The following CCDC178 variants were observed in gnomAD, a reference collection of about 807,000 sequenced individuals.
CCDC178 encodes coiled-coil domain containing 178.
CCDC178 carries 126 observed loss-of-function variants against 117.4 expected under a neutral mutation model. The ratio of observed to expected loss-of-function variants is 1.07; its 90% CI spans 0.93 to 1.24. The LOEUF is 1.24. Ranked by LOEUF, CCDC178 falls within the 50% of genes most tolerant of loss-of-function variation. The pLI, the probability that CCDC178 is intolerant of heterozygous loss-of-function variation, is 0.00. For synonymous variants in CCDC178, 283 were observed against 313.4 expected (o/e 0.90, Z 1.02); for missense variants, 1,030 against 986.9 (o/e 1.04, Z -0.59).
At chr18:33,234,725 G>A (rs1455305685) in intron 15 of CCDC178, among the ~76,000 whole-genome samples, 1 of 151,976 alleles carries the variant, frequency 6.6e-6, no homozygotes, top group Non-Finnish European at 1.5e-5. Flanking sequence ...GTCAATCTTA[G>A]CCATTACTTT....
chr18:32,978,758 C>T (rs749015686), intron 21 of CCDC178, among the ~76,000 whole-genome samples: 2 of 152,116 alleles, frequency 1.3e-5, no homozygotes, highest in Non-Finnish European at 2.9e-5. Context: ...GAGAAAAGGC[C>T]GGGCACGGTG....
chr18:33,045,054 T>C (rs1020753361), intron 21 of CCDC178, among the ~76,000 whole-genome samples: 135 of 152,238 alleles, frequency 8.9e-4, no homozygotes, highest in African/African-American at 3.2e-3. Flanking sequence ...CTATTGAGTA[T>C]AATGTTCACT....
chr18:33,016,153 C>T (rs1030719920), intron 21 of CCDC178, among the ~76,000 whole-genome samples: 1 of 151,884 alleles, frequency 6.6e-6, no homozygotes, highest in Non-Finnish European at 1.5e-5. Context: ...AATCATGTAC[C>T]AGAGATTCTC....
intron 20 of CCDC178, among the ~76,000 whole-genome samples, chr18:33,098,005 T>A (rs1019217815): frequency 3.3e-5 from 5 of 152,090 alleles, no homozygotes; most frequent in African/African-American, 1.2e-4. Context: ...TGTAGAACTG[T>A]GGACTATGGT....
At chr18:33,430,794 C>T (rs1374013042) in intron 2 of CCDC178, among the ~76,000 whole-genome samples, 2 of 152,022 alleles carry the variant, frequency 1.3e-5, no homozygotes, top group Admixed American at 6.6e-5. Context: ...AATATTAGGC[C>T]GGGCGCGGTG....
chr18:32,939,807 C>T (rs1407192017), intron 22 of CCDC178, among the ~76,000 whole-genome samples: 2 of 152,060 alleles, frequency 1.3e-5, no homozygotes, highest in Non-Finnish European at 2.9e-5. Context: ...AGTAATCAAA[C>T]GTTATCTCTT....
At chr18:32,980,972 T>C (rs183437499) in intron 21 of CCDC178, among the ~76,000 whole-genome samples, 8 of 152,264 alleles carry the variant, frequency 5.3e-5, no homozygotes, top group Non-Finnish European at 7.4e-5. Context: ...TAGTAAAAAT[T>C]TGGAAACAAT....
intron 11 of CCDC178, among the ~76,000 whole-genome samples, chr18:33,313,230 A>G (rs113655953): frequency 6.6e-6 from 1 of 152,232 alleles, no homozygotes; most frequent in Non-Finnish European, 1.5e-5. Context: ...GTTAATAAAC[A>G]GGTAAAAAAA....
intron 21 of CCDC178, among the ~76,000 whole-genome samples, chr18:33,028,700 T>G (rs190386881): frequency 6.6e-6 from 1 of 151,918 alleles, no homozygotes; most frequent in Admixed American, 6.6e-5. Context: ...AAAGTTTCAT[T>G]CTATTTCTAG....
intron 22 of CCDC178, among the ~76,000 whole-genome samples, chr18:32,973,059 G>A (rs1282608175): frequency 6.6e-6 from 1 of 151,840 alleles, no homozygotes; most frequent in African/African-American, 2.4e-5. Context: ...CCACTGTTAT[G>A]TAACAGCCAT....
At chr18:33,048,476 A>AT (rs1386887704) in intron 21 of CCDC178, among the ~76,000 whole-genome samples, 3 of 152,118 alleles carry the variant, frequency 2.0e-5, no homozygotes, top group East Asian at 1.9e-4. Context: ...TCATTCTTGA[A>AT]TTTTTTTTAC....
At chr18:33,098,846 T>C (rs546853543) in intron 20 of CCDC178, among the ~76,000 whole-genome samples, 2 of 152,144 alleles carry the variant, frequency 1.3e-5, no homozygotes, top group East Asian at 1.9e-4. Context: ...TAAGATATAA[T>C]TCCTGTTCGC....
At chr18:33,179,059 T>TA (rs757037955) in intron 20 of CCDC178, among the ~76,000 whole-genome samples, 597 of 14,744 alleles carry the variant, frequency 0.04, 91 homozygotes, top group South Asian at 0.068. Context: ...AAGCACTCAG[T>TA]AAAAAAAAAA....
chr18:33,313,629 G>T (rs1212591746), intron 11 of CCDC178, among the ~76,000 whole-genome samples: 6 of 152,124 alleles, frequency 3.9e-5, no homozygotes, highest in Admixed American at 3.9e-4. Flanking sequence ...AAGTATGACT[G>T]GGATCTTCAT....
intron 2 of CCDC178, among the ~76,000 whole-genome samples, chr18:33,423,591 G>C (rs567702044): frequency 6.6e-6 from 1 of 152,040 alleles, no homozygotes; most frequent in Non-Finnish European, 1.5e-5. Context: ...TATAGCACTA[G>C]AGTATCTCTA....
chr18:33,393,484 C>T (rs756733052), intron 4 of CCDC178, among the ~76,000 whole-genome samples: 17 of 152,190 alleles, frequency 1.1e-4, no homozygotes, highest in Non-Finnish European at 2.4e-4. Context: ...ATTTTCATCA[C>T]CCCTGAAAGT....
intron 20 of CCDC178, among the ~76,000 whole-genome samples, chr18:33,179,161 C>CTATATATATAAACTATATATATAAACTA (rs200189915): frequency 2.6e-4 from 19 of 72,514 alleles, no homozygotes; most frequent in Non-Finnish European, 3.5e-4. Context: ...TATATATAAA[C>CTATATATATAAACTATATATATAAACTA]TATATATATA....
At chr18:33,155,113 T>C (rs1211916440) in intron 20 of CCDC178, among the ~76,000 whole-genome samples, 1 of 152,090 alleles carries the variant, frequency 6.6e-6, no homozygotes, top group Non-Finnish European at 1.5e-5. Context: ...GACAATAAAT[T>C]ATAATATAAG....
chr18:33,324,393 G>T (rs2062557969), intron 10 of CCDC178, among the ~76,000 whole-genome samples: 1 of 151,960 alleles, frequency 6.6e-6, no homozygotes, highest in East Asian at 1.9e-4. Context: ...TAGTTATACT[G>T]CAGGTTCTTG....
Sources: allele counts gnomAD v4.1 joint callset (sites outside exome capture counted in the v4.1 genomes callset), GRCh38; gene constraint gnomAD v4.1.1; transcripts MANE v1.5; gene names NCBI Gene and HGNC (gene_info 2026-07-23, HGNC 2026-07-21).